ANKRD30BL: variants seen among roughly 807,000 people sequenced by gnomAD.
The protein encoded by ANKRD30BL is putative ankyrin repeat domain-containing protein 30B-like.
A neutral mutation model predicts 18.4 loss-of-function variants in ANKRD30BL; 20 were observed. That is an observed-to-expected ratio of 1.09 (90% CI 0.77 to 1.58). The LOEUF is 1.58. Among genes scored for constraint, ANKRD30BL ranks in the 40% most tolerant of loss-of-function variants. The probability of loss-of-function intolerance (pLI) is 0.00; values close to 1 mark genes in which losing one functional copy is unlikely to be tolerated. For synonymous variants in ANKRD30BL, 72 were observed against 100.9 expected (o/e 0.71, Z 1.72); for missense variants, 224 against 268.6 (o/e 0.83, Z 1.16).
Position 132,204,142 on chromosome 2 carries a change from TAGAC to T in ANKRD30BL, n.442-47000_442-46997del, listed in dbSNP as rs899641453. On this transcript the variant is annotated intron_variant and non_coding_transcript_variant, in intron 1 of 4. Transcript: ENST00000470729. ...TTGGATCCTGAAAAATGAATGAAGA[TAGAC>T]AGAAAACAAGTAAAAAATGGTCTAA... 7.2e-4 allele frequency among the ~76,000 whole-genome samples: 110 copies of T among 152,240 alleles called. 1 individual carries two copies. Among genetic ancestry groups the T allele is most frequent in the Admixed American group, 2.3e-3 (35 of 15,282 alleles).
intron 1 of ANKRD30BL, among the ~76,000 whole-genome samples, chr2:132,194,002 C>A (rs1484302712): frequency 6.6e-6 from 1 of 151,556 alleles, no homozygotes; most frequent in Non-Finnish European, 1.5e-5. Context: ...GGAGGTAGGG[C>A]TACTTTTCTA....
rs1252659482 is a variant in ANKRD30BL, at chr2:132,225,228, T to C, written n.441+32301A>G. Among the ~76,000 whole-genome samples, 3 of 151,990 alleles carry C rather than the reference T, an allele frequency of 2.0e-5. No homozygotes were observed. The East Asian group carries it at 5.8e-4, about 30-fold the overall frequency. On this transcript the variant is annotated intron_variant and non_coding_transcript_variant, in intron 1 of 4. Coordinates refer to the ANKRD30BL transcript ENST00000470729. ...CATTCAGCTCACAGAGTTGATCCTT[T>C]CTTTTGATAGAGCAGGTTTGAAACA...
chr2:132,232,607 A>G (rs1680054004), intron 1 of ANKRD30BL, among the ~76,000 whole-genome samples: 1 of 152,164 alleles, frequency 6.6e-6, no homozygotes, highest in Non-Finnish European at 1.5e-5. Flanking sequence ...GAAATGAATG[A>G]AATGAAGCGA....
chr2:132,158,692 TA>T (rs1257751791), intron 1 of ANKRD30BL, among the ~76,000 whole-genome samples: 6 of 150,672 alleles, frequency 4.0e-5, no homozygotes, highest in Admixed American at 1.3e-4. Context: ...TTCAATACCT[TA>T]AAAAAACTGC....
intron 1 of ANKRD30BL, among the ~76,000 whole-genome samples, chr2:132,200,220 T>C (rs1310313104): frequency 1.3e-5 from 2 of 151,670 alleles, no homozygotes; most frequent in Admixed American, 1.3e-4. Flanking sequence ...AGCATTCCCT[T>C]TGAAAACTGG....
Position 132,154,917 on chromosome 2 carries a change from C to A in ANKRD30BL, c.508-149G>T. ...TCTCACTTTTCTGTGCTTTCCCATG[C>A]ACTGCACCTTCTCTTGTAAACATTC... On this transcript the variant is annotated intron_variant, in intron 3 of 5. Coordinates refer to ENST00000409867, the MANE Select transcript of ANKRD30BL (RefSeq NM_001358416.1). 1.2e-5 allele frequency: 6 copies of A among 483,214 alleles called. No homozygotes were observed. In the South Asian group the frequency reaches 1.9e-4, roughly 16 times the overall value. 29.9% of individuals were successfully genotyped at this position (483,214 alleles called of 1,614,324 possible).
chr2:132,256,293 G>C (rs763061351), intron 1 of ANKRD30BL, among the ~76,000 whole-genome samples: 2 of 146,940 alleles, frequency 1.4e-5, no homozygotes, highest in Non-Finnish European at 3.0e-5. Flanking sequence ...GGGGAGGGAG[G>C]GAGCAGCTTG....
Position 132,214,306 on chromosome 2 carries a change from C to T in ANKRD30BL, n.441+43223G>A, listed in dbSNP as rs369487211. Reference sequence around the variant, plus strand: ...AGTGGATATTTAGAGAGCTTTGAGGCCTATGTTGGAAAAGGAAATATCTTT... The same window carrying T: ...AGTGGATATTTAGAGAGCTTTGAGGTCTATGTTGGAAAAGGAAATATCTTT... On this transcript the variant is annotated intron_variant and non_coding_transcript_variant, in intron 1 of 4. Coordinates refer to the ANKRD30BL transcript ENST00000470729. Among the ~76,000 whole-genome samples the T allele has an allele frequency of 1.0e-3, 152 of 151,870 alleles. 4 individuals are homozygous for T. The highest frequency in any genetic ancestry group is 7.7e-3 in the East Asian group (40 of 5,172).
At chr2:132,224,997 C>A (rs1407154237) in intron 1 of ANKRD30BL, among the ~76,000 whole-genome samples, 1 of 150,798 alleles carries the variant, frequency 6.6e-6, no homozygotes, top group Non-Finnish European at 1.5e-5. Flanking sequence ...AAAAACTAGA[C>A]AGAAGCATTC....
intron 1 of ANKRD30BL, among the ~76,000 whole-genome samples, chr2:132,234,530 A>G (rs1680102130): frequency 6.6e-6 from 1 of 152,210 alleles, no homozygotes; most frequent in Non-Finnish European, 1.5e-5. Context: ...ACAGAAATAC[A>G]AACTACCATC....
At chr2:132,238,584 C>G (rs1175427063) in intron 1 of ANKRD30BL, among the ~76,000 whole-genome samples, 5 of 151,726 alleles carry the variant, frequency 3.3e-5, no homozygotes, top group Admixed American at 6.6e-5. Flanking sequence ...AAACTTGGTG[C>G]TCTTTGAAGC....
At chr2:132,210,582 G>T (rs1470299030) in intron 1 of ANKRD30BL, among the ~76,000 whole-genome samples, 1 of 151,868 alleles carries the variant, frequency 6.6e-6, no homozygotes, top group Non-Finnish European at 1.5e-5. Flanking sequence ...AAACTACTTT[G>T]TGATGTGTGC....
Position 132,227,610 on chromosome 2 carries a change from A to T in ANKRD30BL, n.441+29919T>A, listed in dbSNP as rs565632933. 5.0e-4 allele frequency among the ~76,000 whole-genome samples: 76 copies of T among 152,314 alleles called. No homozygotes were observed. The South Asian group carries it at 5.2e-3, about 10-fold the overall frequency. ...TCTTTTTGATGTGTACATTCAACTC[A>T]CAGAGTTAAAACTTTCTTTTGATTG... is the stretch of plus-strand genomic sequence containing the variant. On this transcript the variant is annotated intron_variant and non_coding_transcript_variant, in intron 1 of 4. Coordinates refer to the ANKRD30BL transcript ENST00000470729.
chr2:132,212,283 C>T (rs1022947110), intron 1 of ANKRD30BL, among the ~76,000 whole-genome samples: 9 of 151,208 alleles, frequency 6.0e-5, no homozygotes, highest in African/African-American at 2.2e-4. Flanking sequence ...AGGCCTAAGG[C>T]AGAAAACAAA....
chr2:132,201,125 A>G (rs903376127), intron 1 of ANKRD30BL, among the ~76,000 whole-genome samples: 1 of 152,106 alleles, frequency 6.6e-6, no homozygotes, highest in Non-Finnish European at 1.5e-5. Context: ...CCTTCCTTAC[A>G]CCTTATACAA....
chr2:132,237,972 C>A (rs1271074565), intron 1 of ANKRD30BL, among the ~76,000 whole-genome samples: 1 of 151,844 alleles, frequency 6.6e-6, no homozygotes, highest in Non-Finnish European at 1.5e-5. Context: ...CACATAAAAA[C>A]CAGACAGAAG....
intron 1 of ANKRD30BL, among the ~76,000 whole-genome samples, chr2:132,181,196 G>A (rs74474761): frequency 4.0e-5 from 6 of 150,784 alleles, no homozygotes; most frequent in Admixed American, 6.6e-5. Context: ...AAATGGGGCC[G>A]GGCATGGTGG....
chr2:132,179,072 T>C (rs1688413024), intron 1 of ANKRD30BL, among the ~76,000 whole-genome samples: 1 of 151,686 alleles, frequency 6.6e-6, no homozygotes, highest in Admixed American at 6.6e-5. Context: ...TGTAGGATTG[T>C]AATGGAGGTA....
chr2:132,251,668 T>A (rs1330105667), intron 1 of ANKRD30BL, among the ~76,000 whole-genome samples: 3 of 152,240 alleles, frequency 2.0e-5, no homozygotes, highest in African/African-American at 7.2e-5. Flanking sequence ...AAAAATGTGC[T>A]TTGTTCTTTC....
Sources: gnomAD v4.1 joint callset for allele counts (sites outside exome capture counted in the v4.1 genomes callset) on GRCh38, gnomAD v4.1.1 for gene constraint, MANE v1.5 for transcripts, NCBI Gene and HGNC (gene_info 2026-07-23, HGNC 2026-07-21) for gene names.